Variants in LSM6 observed in about 807,000 individuals in gnomAD.
LSM6 encodes U6 snRNA-associated Sm-like protein LSm6.
In LSM6, 2 loss-of-function variants were observed where a neutral mutation model predicts 13.5. The observed-to-expected ratio is 0.15, with a 90% CI of 0.06 to 0.47. The LOEUF (loss-of-function observed/expected upper bound fraction) is 0.47, where lower values mean the gene tolerates loss of function less well. Among genes scored for constraint, LSM6 ranks in the 20% least tolerant of loss-of-function variants. The pLI, the probability that LSM6 is intolerant of heterozygous loss-of-function variation, is 0.97. For missense variants in LSM6, 58 were observed against 96.4 expected (o/e 0.60, Z 1.67); for synonymous variants, 43 against 34.9 (o/e 1.23, Z -0.82).
In LSM6 at chr4:146,191,039, A is replaced by T. The variant is rs1730459217; in HGVS notation, c.*1383A>T. The T allele has an allele frequency of 6.6e-6, 1 of 152,244 alleles. No homozygotes were observed. Among genetic ancestry groups the T allele is most frequent in the Non-Finnish European group, 1.5e-5 (1 of 68,052 alleles). The allele number at this position is 152,244 out of a possible 1,614,324, so 9.4% of individuals were successfully genotyped here. On this transcript the variant is annotated 3_prime_UTR_variant, in exon 4 of 4. Transcript: ENST00000296581. ...AATTAATAACTTGGGAAAGGTGAAC[A>T]GAAGCATTTCACAGGGTTTTACCGT...
Position 146,190,271 on chromosome 4 carries a change from A to G in LSM6, c.*615A>G, listed in dbSNP as rs931316967. On this transcript the variant is annotated 3_prime_UTR_variant, in exon 4 of 4. Coordinates refer to ENST00000296581, the MANE Select transcript of LSM6 (RefSeq NM_007080.3). The stretch of plus-strand genomic sequence containing the variant: ...AGGTGCTGGAGAAATCCTAAAGATG[A>G]ACAAGATTTCAGTGAGGAGAAAGCC... 1.3e-5 allele frequency: 2 copies of G among 152,398 alleles called. No homozygotes were observed. The highest frequency in any genetic ancestry group is 4.8e-5 in the African/African-American group (2 of 41,460). The allele number at this position is 152,398 out of a possible 1,614,324, so 9.4% of individuals were successfully genotyped here. A position where few individuals can be genotyped will look rare whatever the true frequency, so the allele number is the denominator to read the frequency against.
chr4:146,183,636 G>A (rs548048687), intron 2 of LSM6: 179 of 152,458 alleles, frequency 1.2e-3, no homozygotes, highest in African/African-American at 4.2e-3. Context: ...TGAAATATTT[G>A]GCAGGTGTAA....
chr4:146,182,394 C>T (rs1273329103), intron 1 of LSM6, among the ~76,000 whole-genome samples: 1 of 152,176 alleles, frequency 6.6e-6, no homozygotes, highest in Admixed American at 6.5e-5. Flanking sequence ...TTGAATGTTC[C>T]ATCACATTTG....
At chr4:146,186,784 C>G (rs1433722481) in intron 2 of LSM6, among the ~76,000 whole-genome samples, 1 of 152,126 alleles carries the variant, frequency 6.6e-6, no homozygotes, top group Non-Finnish European at 1.5e-5. Context: ...GTGGAGACTT[C>G]CTTTTAACCC....
chr4:146,178,758 T>A (rs1361694103), intron 1 of LSM6, among the ~76,000 whole-genome samples: 1 of 152,218 alleles, frequency 6.6e-6, no homozygotes, highest in East Asian at 1.9e-4. Context: ...CAGCACTTTG[T>A]CACGTTAGGT....
At chr4:146,179,114 A>G (rs532320334) in intron 1 of LSM6, among the ~76,000 whole-genome samples, 11 of 152,314 alleles carry the variant, frequency 7.2e-5, no homozygotes, top group African/African-American at 2.6e-4. Context: ...CCTTTGACTT[A>G]ATAGTCATTT....
At position 146,189,701 on chromosome 4, in the gene LSM6, T is replaced by A. The variant is rs1332122097; in HGVS notation, c.*45T>A. ...CTTTTCATAGTTGGATATATTTTTT[T>A]ATGAATTTTTTCTAATTTTTGCTTC... On this transcript the variant is annotated 3_prime_UTR_variant, in exon 4 of 4. Transcript: ENST00000296581. The A allele has an allele frequency of 3.3e-6, 5 of 1,503,244 alleles. No homozygotes were observed. The highest frequency in any genetic ancestry group is 3.6e-6 in the Non-Finnish European group (4 of 1,104,694). 93.1% of individuals were successfully genotyped at this position (1,503,244 alleles called of 1,614,324 possible).
chr4:146,183,114 A>C (rs2110884647), intron 2 of LSM6, 99 bp downstream of exon 2: 1 of 767,228 alleles, frequency 1.3e-6, no homozygotes, highest in Non-Finnish European at 2.3e-6. Context: ...TAGGCCAAAA[A>C]AGTACTGGTC....
chr4:146,178,176 A>G (rs1009629427), intron 1 of LSM6, among the ~76,000 whole-genome samples: 5 of 152,206 alleles, frequency 3.3e-5, no homozygotes, highest in African/African-American at 1.2e-4. Flanking sequence ...ACTGGCCTTG[A>G]ATGTCTCTTC....
chr4:146,179,300 A>G (rs192182500), intron 1 of LSM6, among the ~76,000 whole-genome samples: 2 of 152,326 alleles, frequency 1.3e-5, no homozygotes, highest in African/African-American at 4.8e-5. Flanking sequence ...TGCTTCAGAA[A>G]TTGTCAGAAC....
At chr4:146,184,417 C>T (rs6857745) in intron 2 of LSM6, among the ~76,000 whole-genome samples, 2,869 of 152,246 alleles carry the variant, frequency 0.019, 103 homozygotes, top group African/African-American at 0.066. Flanking sequence ...AGTTCAGGCT[C>T]GGCTCATAAG....
chr4:146,182,582 A>G (rs944527114), intron 1 of LSM6, among the ~76,000 whole-genome samples: 10 of 152,266 alleles, frequency 6.6e-5, no homozygotes, highest in Non-Finnish European at 1.5e-4. Flanking sequence ...AATGGTTGTA[A>G]TGGGTATACT....
At chr4:146,177,454 C>A (rs1324459785) in intron 1 of LSM6, among the ~76,000 whole-genome samples, 1 of 152,068 alleles carries the variant, frequency 6.6e-6, no homozygotes, top group African/African-American at 2.4e-5. Flanking sequence ...AATGGCAACC[C>A]CTTCAAGATT....
In LSM6 at chr4:146,175,803, G is replaced by C. The variant is rs915654501; in HGVS notation, c.-19G>C. On this transcript the variant is annotated 5_prime_UTR_variant, in exon 1 of 4. Transcript: ENST00000296581. The stretch of plus-strand genomic sequence containing the variant: ...GCCTGGAGTGAGGGTTCTGGTTCCC[G>C]CCGGCGAGGTGAGCCGCACCGCTGC... The C allele has an allele frequency of 6.6e-6, 1 of 152,486 alleles. No homozygotes were observed. 9.4% of individuals were successfully genotyped at this position (152,486 alleles called of 1,614,324 possible). A position where few individuals can be genotyped will look rare whatever the true frequency, so the allele number is the denominator to read the frequency against.
At position 146,189,632 on chromosome 4, in the gene LSM6, C is replaced by G; in HGVS notation, c.219C>G (p.Ile73Met). ...AFIRGNNVLYISTQKRRM is the reference protein window; with the variant it reads ...AFIRGNNVLYMSTQKRRM ...TTTTTTTCTTTTCAGTGTTGTACAT[C>G]AGTACACAGAAGAGACGGATGTGAA... The change falls in exon 4 of 4, where the codon ATC becomes ATG. Residue 73 changes from isoleucine (I) to methionine (M), a missense_variant. Around this residue, in one of 3 missense-constraint regions of LSM6, gnomAD observed 23 missense variants for 27.5 expected, o/e 0.84. Transcript: ENST00000296581. 1 of 1,596,966 alleles carries G rather than the reference C, an allele frequency of 6.3e-7. No homozygotes were observed. The highest frequency in any genetic ancestry group is 1.3e-5 in the African/African-American group (1 of 74,338).
chr4:146,181,360 ATTC>A (rs1357107373), intron 1 of LSM6: 3 of 152,234 alleles, frequency 2.0e-5, no homozygotes, highest in African/African-American at 7.2e-5. Flanking sequence ...ATGAGTTTAA[ATTC>A]TTCTAGATTT....
chr4:146,177,220 T>G (rs573150323), intron 1 of LSM6, among the ~76,000 whole-genome samples: 2 of 152,192 alleles, frequency 1.3e-5, no homozygotes, highest in Non-Finnish European at 2.9e-5. Flanking sequence ...GGATTAGAAC[T>G]CAGGTTTCCT....
rs74818832 is a variant in LSM6 at position 146,186,952 on chromosome 4, G to T, written c.95-322G>T. ...ACCTTGTGCTTAGCTTTCAAAGAAT[G>T]GTATTTTTGCCGGAATAGTCTTATT... is the stretch of plus-strand genomic sequence containing the variant. On this transcript the variant is annotated intron_variant, in intron 2 of 3. Coordinates refer to ENST00000296581, the MANE Select transcript of LSM6 (RefSeq NM_007080.3). Among the ~76,000 whole-genome samples, 528 of 152,232 alleles carry T rather than the reference G, an allele frequency of 3.5e-3. 4 individuals carry two copies. Among genetic ancestry groups the T allele is most frequent in the African/African-American group, 0.012 (482 of 41,548 alleles).
chr4:146,181,703 A>G (rs1030805604), intron 1 of LSM6, among the ~76,000 whole-genome samples: 2 of 152,242 alleles, frequency 1.3e-5, no homozygotes, highest in African/African-American at 4.8e-5. Flanking sequence ...TATTGTATCC[A>G]TACTAACTTT....
Sources: gnomAD v4.1 joint callset for allele counts (sites outside exome capture counted in the v4.1 genomes callset) on GRCh38, gnomAD v4.1.1 for gene constraint, gnomAD v4.1.1 regional missense constraint, MANE v1.5 for transcripts, NCBI Gene and HGNC (gene_info 2026-07-23, HGNC 2026-07-21) for gene names.